Variants in SLC26A8 observed in about 807,000 individuals in gnomAD.
SLC26A8 encodes the protein solute carrier family 26 member 8.
In SLC26A8, 70 loss-of-function variants were observed where a neutral mutation model predicts 105.0. The ratio of observed to expected loss-of-function variants is 0.67; its 90% CI spans 0.55 to 0.81. The LOEUF (loss-of-function observed/expected upper bound fraction) is 0.81, where lower values mean the gene tolerates loss of function less well. Among genes scored for constraint, SLC26A8 ranks in the 40% least tolerant of loss-of-function variants. SLC26A8 has a pLI of 0.00. For synonymous variants in SLC26A8, 415 were observed against 438.3 expected (o/e 0.95, Z 0.66); for missense variants, 998 against 1,181.8 (o/e 0.84, Z 2.28).
At chr6:35,977,064 C>G (rs886315864) in intron 9 of SLC26A8, 140 bp downstream of exon 9, 11 of 889,626 alleles carry the variant, frequency 1.2e-5, no homozygotes, top group East Asian at 2.7e-5. Flanking sequence ...TCCCTCACCT[C>G]TCAAAAATCC....
intron 8 of SLC26A8, among the ~76,000 whole-genome samples, chr6:35,979,251 G>T (rs1486014893): frequency 6.6e-6 from 1 of 151,948 alleles, no homozygotes; most frequent in Non-Finnish European, 1.5e-5. Context: ...GCCGAGGTGG[G>T]CAGATCACAA....
At chr6:35,985,491 G>A (rs553143531) in intron 7 of SLC26A8, among the ~76,000 whole-genome samples, 10 of 151,692 alleles carry the variant, frequency 6.6e-5, no homozygotes, top group Non-Finnish European at 1.2e-4. Flanking sequence ...TCAGGAGATC[G>A]AGACCATCCT....
intron 16 of SLC26A8, among the ~76,000 whole-genome samples, chr6:35,958,770 GC>G (rs1772195681): frequency 1.3e-5 from 2 of 152,102 alleles, no homozygotes; most frequent in African/African-American, 2.4e-5. Flanking sequence ...AGAGAGAGCT[GC>G]CCCTCCAGAG....
chr6:35,999,020 A>C lies in SLC26A8; in HGVS notation c.445+972T>G, dbSNP rs577820392. On this transcript the variant is annotated intron_variant, in intron 4 of 19. Coordinates refer to ENST00000490799, the MANE Select transcript of SLC26A8 (RefSeq NM_052961.4). Reference sequence around the variant, plus strand: ...GGCAATTCTCCTGCCTCAGCCTCCCAAGTAGCTGGGATTACAGACACCCGC... The same window carrying C: ...GGCAATTCTCCTGCCTCAGCCTCCCCAGTAGCTGGGATTACAGACACCCGC... 3.3e-3 allele frequency among the ~76,000 whole-genome samples: 500 copies of C among 150,056 alleles called. 1 individual carries two copies. Among genetic ancestry groups the C allele is most frequent in the African/African-American group, 7.5e-3 (299 of 39,652 alleles).
At chr6:35,977,112 T>G (rs1319765620) in intron 9 of SLC26A8, 92 bp downstream of exon 9, 1 of 1,404,976 alleles carries the variant, frequency 7.1e-7, no homozygotes, top group Admixed American at 2.3e-5. Context: ...CAAGTGGCTC[T>G]TCAGTTAAAA....
chr6:36,022,775 TTA>T (rs765802340), intron 1 of SLC26A8, among the ~76,000 whole-genome samples: 9 of 151,922 alleles, frequency 5.9e-5, no homozygotes, highest in Non-Finnish European at 4.4e-5. Flanking sequence ...TCCAGCTCCA[TTA>T]TGTCTTTCTT....
At chr6:35,968,261 C>T (rs541605844) in intron 11 of SLC26A8, among the ~76,000 whole-genome samples, 1 of 152,092 alleles carries the variant, frequency 6.6e-6, no homozygotes, top group Non-Finnish European at 1.5e-5. Flanking sequence ...TCTCCTGCCT[C>T]AGCCCCCAGA....
At chr6:35,952,458 A>G (rs897543776) in intron 17 of SLC26A8, among the ~76,000 whole-genome samples, 1 of 152,192 alleles carries the variant, frequency 6.6e-6, no homozygotes, top group African/African-American at 2.4e-5. Context: ...TAAATCTTGA[A>G]GTTCACTTCA....
chr6:35,950,263 T>C (rs1417801540), intron 19 of SLC26A8, among the ~76,000 whole-genome samples: 1 of 152,014 alleles, frequency 6.6e-6, no homozygotes, highest in Non-Finnish European at 1.5e-5. Context: ...AGGTACTGAT[T>C]TGAAAATGCT....
At chr6:35,968,609 G>GTGTGTGTGTGTA (rs1168496588) in intron 11 of SLC26A8, among the ~76,000 whole-genome samples, 5 of 60,088 alleles carry the variant, frequency 8.3e-5, no homozygotes, top group South Asian at 8.5e-4. Flanking sequence ...GTGTGTGTGT[G>GTGTGTGTGTGTA]TATATATATA....
At chr6:36,022,540 A>G (rs1762151461) in intron 1 of SLC26A8, among the ~76,000 whole-genome samples, 1 of 152,168 alleles carries the variant, frequency 6.6e-6, no homozygotes, top group Non-Finnish European at 1.5e-5. Context: ...GTTGTTGGAC[A>G]GTGGAGATAG....
chr6:35,962,112 G>T (rs1334778908), intron 12 of SLC26A8, among the ~76,000 whole-genome samples: 2 of 151,980 alleles, frequency 1.3e-5, no homozygotes, highest in African/African-American at 2.4e-5. Context: ...TGCAGTCCCA[G>T]CTACTCGGGA....
At chr6:36,004,353 G>A (rs1019897650) in intron 3 of SLC26A8, among the ~76,000 whole-genome samples, 5 of 152,092 alleles carry the variant, frequency 3.3e-5, no homozygotes, top group African/African-American at 1.2e-4. Flanking sequence ...TAGGATTATA[G>A]GCATGAGCCA....
intron 17 of SLC26A8, among the ~76,000 whole-genome samples, chr6:35,954,284 C>T (rs1469594475): frequency 1.3e-5 from 2 of 152,116 alleles, no homozygotes; most frequent in Non-Finnish European, 2.9e-5. Flanking sequence ...GTCCTTTTCA[C>T]CTGATGATGT....
intron 10 of SLC26A8, among the ~76,000 whole-genome samples, chr6:35,973,315 T>G (rs1481536320): frequency 1.3e-5 from 2 of 152,210 alleles, no homozygotes; most frequent in African/African-American, 4.8e-5. Context: ...ACTCTTCTTC[T>G]GAACATAGCC....
chr6:35,978,830 T>G (rs1191646097), intron 8 of SLC26A8, among the ~76,000 whole-genome samples: 1 of 141,242 alleles, frequency 7.1e-6, no homozygotes, highest in East Asian at 2.0e-4. Context: ...TCTTCTTTCC[T>G]TCTTCTTCTT....
intron 19 of SLC26A8, among the ~76,000 whole-genome samples, chr6:35,946,077 T>C (rs1463099550): frequency 1.3e-5 from 2 of 152,192 alleles, no homozygotes; most frequent in East Asian, 3.8e-4. Context: ...GCTCTCTCCA[T>C]AGGGACTTTT....
At chr6:36,016,513 A>G (rs1235809211) in intron 2 of SLC26A8, among the ~76,000 whole-genome samples, 1 of 152,228 alleles carries the variant, frequency 6.6e-6, no homozygotes, top group African/African-American at 2.4e-5. Flanking sequence ...TACAATTGCT[A>G]AAGAGATCTT....
intron 5 of SLC26A8, 86 bp downstream of exon 5, chr6:35,997,652 G>T: frequency 7.7e-7 from 1 of 1,298,132 alleles, no homozygotes; most frequent in Non-Finnish European, 1.0e-6. Context: ...ATATCACAGT[G>T]GATCACAGGA....
Sources: allele counts gnomAD v4.1 joint callset (sites outside exome capture counted in the v4.1 genomes callset), GRCh38; gene constraint gnomAD v4.1.1; transcripts MANE v1.5; gene names NCBI Gene and HGNC (gene_info 2026-07-23, HGNC 2026-07-21).